Variants in RABGAP1L observed in about 807,000 individuals in gnomAD.
RABGAP1L encodes the protein RAB GTPase activating protein 1 like.
A neutral mutation model predicts 137.7 loss-of-function variants in RABGAP1L; 63 were observed. The ratio of observed to expected loss-of-function variants is 0.46; its 90% CI spans 0.37 to 0.56. The LOEUF (loss-of-function observed/expected upper bound fraction) is 0.56, where lower values mean the gene tolerates loss of function less well. Ranked by LOEUF, RABGAP1L falls within the 20% of genes least tolerant of loss-of-function variation. The pLI is 0.00. For missense variants in RABGAP1L, 1,095 were observed against 1,244.0 expected (o/e 0.88, Z 1.80); for synonymous variants, 431 against 433.7 (o/e 0.99, Z 0.08).
intron 11 of RABGAP1L, among the ~76,000 whole-genome samples, chr1:174,344,819 T>G (rs1174714590): frequency 3.3e-5 from 5 of 152,216 alleles, no homozygotes; most frequent in African/African-American, 9.6e-5. Flanking sequence ...CATTTTTGCC[T>G]TGGTTGCCTG....
intron 11 of RABGAP1L, among the ~76,000 whole-genome samples, chr1:174,352,169 T>G (rs986918240): frequency 2.0e-5 from 3 of 152,196 alleles, no homozygotes; most frequent in Non-Finnish European, 4.4e-5. Context: ...TCTCTCTCTC[T>G]GCCTCCTCTT....
chr1:174,169,517 G>T (rs1295180828), intron 1 of RABGAP1L, among the ~76,000 whole-genome samples: 1 of 152,120 alleles, frequency 6.6e-6, no homozygotes, highest in African/African-American at 2.4e-5. Flanking sequence ...ACTGTGCCTG[G>T]CCCAGATAAA....
intron 1 of RABGAP1L, among the ~76,000 whole-genome samples, chr1:174,164,436 A>G (rs752854542): frequency 2.0e-5 from 3 of 152,198 alleles, no homozygotes; most frequent in African/African-American, 7.2e-5. Context: ...ACATTTTACT[A>G]CTTGATTCCG....
chr1:174,619,843 G>T (rs1014689827), intron 13 of RABGAP1L, among the ~76,000 whole-genome samples: 1 of 152,134 alleles, frequency 6.6e-6, no homozygotes, highest in Admixed American at 6.5e-5. Context: ...ACACAGACTG[G>T]CAAATTGGAT....
In RABGAP1L at chr1:174,226,789, A is replaced by T. The variant is rs187863503; in HGVS notation, c.332-4356A>T. ...TCTTTTTCCTTTTTTTTTAAAAAAA[A>T]TTTTCATCTATTTTTATCTTTAAAG... On this transcript the variant is annotated intron_variant, in intron 3 of 25. Coordinates refer to ENST00000681986, the MANE Select transcript of RABGAP1L (RefSeq NM_001366446.1). Among the ~76,000 whole-genome samples the T allele has an allele frequency of 6.8e-3, 1,034 of 151,814 alleles. 13 individuals carry two copies. The highest frequency in any genetic ancestry group is 0.023 in the African/African-American group (972 of 41,412).
At chr1:174,681,878 A>G (rs1678089507) in intron 14 of RABGAP1L, among the ~76,000 whole-genome samples, 1 of 152,210 alleles carries the variant, frequency 6.6e-6, no homozygotes, top group Admixed American at 6.5e-5. Context: ...CATTCTATTA[A>G]ATTAAATGGA....
intron 15 of RABGAP1L, among the ~76,000 whole-genome samples, chr1:174,685,551 C>CTTTATTTATTTATTTATTTATTTA (rs58721848): frequency 1.9e-4 from 28 of 145,066 alleles, no homozygotes; most frequent in Non-Finnish European, 2.4e-4. Context: ...CCGCGCCGGC[C>CTTTATTTATTTATTTATTTATTTA]TTTATTTATT....
At chr1:174,804,954 T>C (rs980063003) in intron 18 of RABGAP1L, among the ~76,000 whole-genome samples, 7 of 152,236 alleles carry the variant, frequency 4.6e-5, no homozygotes, top group Admixed American at 2.0e-4. Context: ...CAAGGATTGC[T>C]CTTTAAAGAG....
At chr1:174,764,439 T>C (rs1685498846) in intron 18 of RABGAP1L, among the ~76,000 whole-genome samples, 1 of 152,130 alleles carries the variant, frequency 6.6e-6, no homozygotes, top group African/African-American at 2.4e-5. Flanking sequence ...TATAAGTATG[T>C]TGTAAGGCCT....
intron 13 of RABGAP1L, among the ~76,000 whole-genome samples, chr1:174,568,839 AATAG>A (rs1667757595): frequency 1.3e-5 from 2 of 152,238 alleles, no homozygotes; most frequent in African/African-American, 4.8e-5. Context: ...TTTGGAAAAG[AATAG>A]ATAAACAAAA....
chr1:174,377,169 C>A (rs2149022505), intron 12 of RABGAP1L, among the ~76,000 whole-genome samples: 1 of 152,162 alleles, frequency 6.6e-6, no homozygotes, highest in South Asian at 2.1e-4. Context: ...TATACTTTGA[C>A]ATACTAGAAA....
chr1:174,652,072 T>G (rs1675556852), intron 14 of RABGAP1L, among the ~76,000 whole-genome samples: 1 of 152,210 alleles, frequency 6.6e-6, no homozygotes, highest in African/African-American at 2.4e-5. Flanking sequence ...CTGTAAAGTA[T>G]TTTATTTCTC....
intron 13 of RABGAP1L, among the ~76,000 whole-genome samples, chr1:174,412,032 T>G (rs2149132693): frequency 1.3e-5 from 2 of 152,176 alleles, no homozygotes; most frequent in Middle Eastern, 6.8e-3. Context: ...CAGGATTTCT[T>G]TGTTAGTTTT....
intron 1 of RABGAP1L, among the ~76,000 whole-genome samples, chr1:174,186,681 A>G (rs1666828675): frequency 1.3e-5 from 2 of 152,250 alleles, no homozygotes; most frequent in Non-Finnish European, 2.9e-5. Context: ...GGACATGTAA[A>G]GGAAAGGGAG....
chr1:174,305,851 GGTGTGCTGCA>G (rs1678185343), intron 11 of RABGAP1L, among the ~76,000 whole-genome samples: 1 of 151,514 alleles, frequency 6.6e-6, no homozygotes, highest in Non-Finnish European at 1.5e-5. Context: ...GTGCCATGTT[GGTGTGCTGCA>G]CCCATTAACT....
intron 13 of RABGAP1L, among the ~76,000 whole-genome samples, chr1:174,410,224 C>A (rs1046144582): frequency 6.6e-6 from 1 of 152,152 alleles, no homozygotes; most frequent in Non-Finnish European, 1.5e-5. Context: ...CTGGCCGACA[C>A]TTAGGGAAAA....
intron 20 of RABGAP1L, among the ~76,000 whole-genome samples, chr1:174,959,347 A>G (rs776729753): frequency 3.0e-4 from 45 of 152,248 alleles, no homozygotes; most frequent in Non-Finnish European, 5.1e-4. Flanking sequence ...TACAATTATT[A>G]TGAATAAATT....
intron 1 of RABGAP1L, among the ~76,000 whole-genome samples, chr1:174,218,079 CTCATTTGG>C (rs1311645510): frequency 2.0e-5 from 3 of 152,098 alleles, no homozygotes; most frequent in Non-Finnish European, 2.9e-5. Context: ...TATCACATTA[CTCATTTGG>C]TCACTGAGCA....
chr1:174,398,314 A>G (rs1351454498), intron 13 of RABGAP1L, among the ~76,000 whole-genome samples: 1 of 152,136 alleles, frequency 6.6e-6, no homozygotes, highest in Admixed American at 6.6e-5. Context: ...AGGTAGGGAC[A>G]CAGCCAAACC....
Sources: allele counts gnomAD v4.1 joint callset (sites outside exome capture counted in the v4.1 genomes callset), GRCh38; gene constraint gnomAD v4.1.1; transcripts MANE v1.5; gene names NCBI Gene and HGNC (gene_info 2026-07-23, HGNC 2026-07-21).